C2orf49: variants seen among roughly 807,000 people sequenced by gnomAD.
The protein encoded by C2orf49 is tRNA splicing ligase complex subunit 2, also known as tRNA-splicing ligase complex subunit ASW.
A neutral mutation model predicts 20.6 loss-of-function variants in C2orf49; 11 were observed. The ratio of observed to expected loss-of-function variants is 0.53; its 90% CI spans 0.34 to 0.88. The LOEUF is 0.88. Among genes scored for constraint, C2orf49 ranks in the 40% least tolerant of loss-of-function variants. The probability of loss-of-function intolerance (pLI) is 0.02; values close to 1 mark genes in which losing one functional copy is unlikely to be tolerated. For missense variants in C2orf49, 289 were observed against 274.2 expected (o/e 1.05, Z -0.38); for synonymous variants, 134 against 108.5 (o/e 1.24, Z -1.46).
At chr2:105,357,232 T>C in the C2orf49 span, among the ~76,000 whole-genome samples, 1 of 152,198 alleles carries the variant, frequency 6.6e-6, no homozygotes, top group Non-Finnish European at 1.5e-5. Context: ...TCTGAGGCTC[T>C]TTTAATTTCT....
the C2orf49 span, chr2:105,373,638 C>T: frequency 1.2e-6 from 2 of 1,614,096 alleles, no homozygotes; most frequent in African/African-American, 2.7e-5. Context: ...GCAGCTGGTC[C>T]TCCTTGGCAG....
At chr2:105,355,209 AGAAG>A in the C2orf49 span, among the ~76,000 whole-genome samples, 6 of 152,282 alleles carry the variant, frequency 3.9e-5, no homozygotes, top group South Asian at 6.2e-4. Flanking sequence ...AAGAAGGAAA[AGAAG>A]GAAGGAAGAA....
At chr2:105,371,986 C>T in the C2orf49 span, among the ~76,000 whole-genome samples, 3 of 152,130 alleles carry the variant, frequency 2.0e-5, no homozygotes, top group African/African-American at 4.8e-5. Flanking sequence ...TAGAAGAGGC[C>T]TTCTTGCCTG....
the C2orf49 span, among the ~76,000 whole-genome samples, chr2:105,370,215 CAA>C: frequency 1.1e-3 from 170 of 149,756 alleles, 3 homozygotes; most frequent in African/African-American, 3.0e-3. Flanking sequence ...TCTACCCCCC[CAA>C]AAAAAAAATT....
At chr2:105,343,370 A>G in intron 3 of C2orf49, 147 bp downstream of exon 3, 1 of 641,060 alleles carries the variant, frequency 1.6e-6, no homozygotes, top group Non-Finnish European at 2.4e-6. Context: ...ACAACTTATT[A>G]CTCCAGTACT....
chr2:105,342,459 A>G (rs961667298), intron 2 of C2orf49, among the ~76,000 whole-genome samples: 3 of 152,206 alleles, frequency 2.0e-5, no homozygotes, highest in African/African-American at 7.2e-5. Context: ...TAGTCTTGGT[A>G]TAGTTTTATA....
At chr2:105,366,134 C>G in the C2orf49 span, among the ~76,000 whole-genome samples, 1 of 151,794 alleles carries the variant, frequency 6.6e-6, no homozygotes, top group East Asian at 1.9e-4. Context: ...TGCTCGAACC[C>G]AAGAGGCGGA....
chr2:105,344,442 G>GATAT (rs556996803), intron 3 of C2orf49, among the ~76,000 whole-genome samples: 1 of 150,468 alleles, frequency 6.6e-6, no homozygotes, highest in Non-Finnish European at 1.5e-5. Flanking sequence ...ATAGATATGA[G>GATAT]ATATATATAT....
downstream of C2orf49, among the ~76,000 whole-genome samples, chr2:105,350,108 G>A (rs1416759547): frequency 6.6e-6 from 1 of 152,210 alleles, no homozygotes; most frequent in Non-Finnish European, 1.5e-5. Flanking sequence ...CGGTCTAGCT[G>A]CCGGCTGACT....
the C2orf49 span, among the ~76,000 whole-genome samples, chr2:105,380,440 G>C: frequency 6.6e-6 from 1 of 152,098 alleles, no homozygotes; most frequent in African/African-American, 2.4e-5. Flanking sequence ...TATTGCCCAG[G>C]CTGGTCTCAA....
At chr2:105,372,295 A>G in the C2orf49 span, among the ~76,000 whole-genome samples, 2 of 151,856 alleles carry the variant, frequency 1.3e-5, no homozygotes, top group Non-Finnish European at 2.9e-5. Context: ...GCGTGATCTC[A>G]GCTCACTGCA....
chr2:105,345,410 G>A lies in C2orf49; in HGVS notation c.*39G>A. 1 of 1,457,040 alleles carries A rather than the reference G, an allele frequency of 6.9e-7. No individual in the cohort carries two copies. The highest frequency in any genetic ancestry group is 9.6e-7 in the Non-Finnish European group (1 of 1,045,136). The allele number at this position is 1,457,040 out of a possible 1,614,324, so 90.3% of individuals were successfully genotyped here. A position where few individuals can be genotyped will look rare whatever the true frequency, so the allele number is the denominator to read the frequency against. ...AAAATGTAAATATACTGTAACTGTA[G>A]TTTTTCAAATATGTTCATATATATT... is the stretch of plus-strand genomic sequence containing the variant. On this transcript the variant is annotated 3_prime_UTR_variant, in exon 4 of 4. Transcript: ENST00000258457.
At position 105,343,164 on chromosome 2, in the gene C2orf49, G is replaced by T; in HGVS notation, c.583G>T (p.Val195Phe). The T allele has an allele frequency of 1.2e-6, 2 of 1,613,814 alleles. No individual in the cohort carries two copies. Among genetic ancestry groups the T allele is most frequent in the Non-Finnish European group, 1.7e-6 (2 of 1,179,918 alleles). Residue 195 changes from valine to phenylalanine, a missense_variant, in exon 3 of 4, where the codon GTT (valine) becomes TTT (phenylalanine). Transcript: ENST00000258457. ...TGTGAAGTCGCCACCATTGTCCCCT[G>T]TTGGAACTACTCCAGTGAAGTTAAA... is the stretch of plus-strand genomic sequence containing the variant. ...GPVKSPPLSP[V>F]GTTPVKLKRA... is the part of the protein sequence containing the mutation.
At chr2:105,361,085 G>A in the C2orf49 span, 1 of 474,774 alleles carries the variant, frequency 2.1e-6, no homozygotes, top group Non-Finnish European at 3.6e-6. Context: ...CTAGGGCCTA[G>A]GGCGAGTTTT....
At chr2:105,367,486 G>A in the C2orf49 span, 1 of 1,381,328 alleles carries the variant, frequency 7.2e-7, no homozygotes, top group Non-Finnish European at 9.9e-7. Flanking sequence ...AGGTATCCTT[G>A]GTTTTGGAAA....
In C2orf49 at chr2:105,348,806, C is replaced by G. The variant is rs1483148351; in HGVS notation, c.*3435C>G. ...ATTCTTATTAAAATGGAAAAATGCT[C>G]TGTAATGACTTGATCTGTTTTTATT... On this transcript the variant is annotated 3_prime_UTR_variant, in exon 4 of 4. Coordinates refer to ENST00000258457, the MANE Select transcript of C2orf49 (RefSeq NM_024093.3). 2 of 152,118 alleles carry G rather than the reference C, an allele frequency of 1.3e-5. No individual in the cohort carries two copies. Among genetic ancestry groups the G allele is most frequent in the Non-Finnish European group, 2.9e-5 (2 of 68,016 alleles). The allele number at this position is 152,118 out of a possible 1,614,324, so 9.4% of individuals were successfully genotyped here.
chr2:105,343,157 G>A lies in C2orf49; in HGVS notation c.576G>A (p.Leu192=). The change falls in exon 3 of 4, where the codon TTG becomes TTA. Residue 192 remains leucine (L), a synonymous_variant. Transcript: ENST00000258457. ...SPSGPVKSPP[L]SPVGTTPVKL... The stretch of plus-strand genomic sequence containing the variant: ...CAGGCCCTGTGAAGTCGCCACCATT[G>A]TCCCCTGTTGGAACTACTCCAGTGA... 1 of 1,614,008 alleles carries A rather than the reference G, an allele frequency of 6.2e-7. No homozygotes were observed. The highest frequency in any genetic ancestry group is 8.5e-7 in the Non-Finnish European group (1 of 1,179,986).
the C2orf49 span, chr2:105,363,328 G>T: frequency 6.2e-7 from 1 of 1,614,212 alleles, no homozygotes. Flanking sequence ...TGGCATACAA[G>T]TCACAGAAGC....
chr2:105,383,772 A>G, the C2orf49 span, among the ~76,000 whole-genome samples: 1 of 152,184 alleles, frequency 6.6e-6, no homozygotes, highest in Admixed American at 6.5e-5. Context: ...TCCACTACAA[A>G]CCCAACTACC....
Sources: gnomAD v4.1 joint callset for allele counts (sites outside exome capture counted in the v4.1 genomes callset) on GRCh38, gnomAD v4.1.1 for gene constraint, MANE v1.5 for transcripts, NCBI Gene and HGNC (gene_info 2026-07-23, HGNC 2026-07-21) for gene names.